The following DUOX2 variants were observed in gnomAD, a reference collection of about 807,000 sequenced individuals.
The protein encoded by DUOX2 is dual oxidase 2.
Under a neutral mutation model 183.3 loss-of-function variants are expected in DUOX2, and 185 were observed. That is an observed-to-expected ratio of 1.01 (90% CI 0.90 to 1.14). DUOX2 has a LOEUF of 1.14. DUOX2 is among the 50% of genes most tolerant of loss of function. The pLI, the probability that DUOX2 is intolerant of heterozygous loss-of-function variation, is 0.00. For synonymous variants in DUOX2, 788 were observed against 812.4 expected, an observed-to-expected ratio of 0.97 and a Z score of 0.51; for missense variants, 1,999 against 2,022.9, an observed-to-expected ratio of 0.99 and a Z score of 0.23.
chr15:45,107,201 G>C, intron 14 of DUOX2, 144 bp downstream of exon 14: 1 of 1,245,598 alleles, frequency 8.0e-7, no homozygotes, highest in Admixed American at 1.7e-5. Flanking sequence ...GGTCCCTGCT[G>C]TGGGAGCCAG....
In DUOX2 at chr15:45,110,533, A is replaced by T; in HGVS notation, c.944-9T>A. On this transcript the variant is annotated splice_polypyrimidine_tract_variant and intron_variant, in intron 8 of 33. Coordinates refer to ENST00000389039, the MANE Select transcript of DUOX2 (RefSeq NM_001363711.2). ...TAGGAAAGGACGGTATCCTGCAGGA[A>T]GGAGACGGTGATGATGGGGAGACAG... 1 of 1,614,170 alleles carries T rather than the reference A, an allele frequency of 6.2e-7. No individual in the cohort carries two copies. Among genetic ancestry groups the T allele is most frequent in the Non-Finnish European group, 8.5e-7 (1 of 1,180,010 alleles).
rs144543420 is a variant in DUOX2, at chr15:45,094,612, C to T, written c.4475G>A (p.Arg1492His). The change falls in exon 33 of 34, where the codon CGT (arginine) becomes CAT (histidine). Residue 1492 changes from arginine (R) to histidine (H), a missense_variant. By Grantham distance (29) the Arg-to-His change is conservative. Coordinates refer to ENST00000389039, the MANE Select transcript of DUOX2 (RefSeq NM_001363711.2). ...GTTGAAGAAGGGCTCGAAGGGGGGA[C>T]GGCCAAAGTGGGTGATGGAGCGCAG... is the stretch of plus-strand genomic sequence containing the variant. ...TGLRSITHFG[R>H]PPFEPFFNSL... The T allele has an allele frequency of 1.9e-4, 303 of 1,613,998 alleles. No homozygotes were observed. Among genetic ancestry groups the T allele is most frequent in the East Asian group, 3.8e-4 (17 of 44,862 alleles).
chr15:45,106,256 G>T lies in DUOX2; in HGVS notation c.2017C>A (p.Gln673Lys). Residue 673 changes from glutamine to lysine, a missense_variant, in exon 17 of 34, where the codon CAG (glutamine) becomes AAG (lysine). By Grantham distance (53) the Gln-to-Lys change is moderately conservative (BLOSUM62 1). Coordinates refer to ENST00000389039, the MANE Select transcript of DUOX2 (RefSeq NM_001363711.2). ...ACAGTGAGATGCCTGTTCAGGACCT[G>T]CAGACACCTGTCTGACAGCAGCTGG... ...IIQLLSDRCL[Q>K]VLNRHLTVLR... 1 of 1,614,126 alleles carries T rather than the reference G, an allele frequency of 6.2e-7. No individual in the cohort carries two copies. Among genetic ancestry groups the T allele is most frequent in the Non-Finnish European group, 8.5e-7 (1 of 1,180,018 alleles).
Position 45,111,787 on chromosome 15 carries a change from G to C in DUOX2, c.494C>G (p.Pro165Arg). Reference protein sequence around the residue: ...SRWDPETGRSPSNPRDLANQV... With the variant: ...SRWDPETGRSRSNPRDLANQV... ...CCTCACCAGGTCCCGGGGGTTGCTG[G>C]GACTCCGTCCGGTCTCGGGGTCCCA... Residue 165 changes from proline to arginine, a missense_variant, in exon 5 of 34, where the codon CCC (proline) becomes CGC (arginine). Transcript: ENST00000389039. 3 of 1,608,790 alleles carry C rather than the reference G, an allele frequency of 1.9e-6. No individual in the cohort carries two copies. The South Asian group carries it at 3.3e-5, about 18-fold the overall frequency.
chr15:45,099,367 C>T lies in DUOX2; in HGVS notation c.3515+16G>A. On this transcript the variant is annotated intron_variant, in intron 26 of 33. Coordinates refer to ENST00000389039, the MANE Select transcript of DUOX2 (RefSeq NM_001363711.2). The stretch of plus-strand genomic sequence containing the variant: ...CCACCCTATGAGTCCCAGGAGAAAC[C>T]ATCCCCAGAACTGACCCATCATTCA... 6.2e-7 allele frequency: 1 copy of T among 1,611,278 alleles called. No homozygotes were observed. Among genetic ancestry groups the T allele is most frequent in the Non-Finnish European group, 8.5e-7 (1 of 1,177,552 alleles).
intron 2 of DUOX2, 49 bp from the exon 3 acceptor site, chr15:45,113,125 C>T (rs77078382): frequency 1.3e-6 from 2 of 1,584,266 alleles, no homozygotes; most frequent in Middle Eastern, 1.7e-4. Flanking sequence ...CCAGCTACCC[C>T]TCCCGAGCAA....
Position 45,096,019 on chromosome 15 carries a change from A to G in DUOX2, c.3889T>C (p.Tyr1297His). Residue 1297 changes from tyrosine to histidine, a missense_variant, in exon 30 of 34, where the codon TAC (tyrosine) becomes CAC (histidine). Physicochemically the swap from Tyr to His is moderately conservative, Grantham distance 83. Transcript: ENST00000389039. ...LQFQRPQGFEYKSGQWVRIAC... is the reference protein window; with the variant it reads ...LQFQRPQGFEHKSGQWVRIAC... ...ATCCGCACCCACTGTCCTGACTTGT[A>G]CTCAAAGCCTTGGGGCCTCTGGAAT... 6.2e-7 allele frequency: 1 copy of G among 1,614,046 alleles called. No individual in the cohort carries two copies. The highest frequency in any genetic ancestry group is 8.5e-7 in the Non-Finnish European group (1 of 1,179,996).
chr15:45,110,616 T>G (rs774182914), intron 8 of DUOX2, 34 bp downstream of exon 8: 1 of 1,613,484 alleles, frequency 6.2e-7, no homozygotes, highest in Non-Finnish European at 8.5e-7. Flanking sequence ...CTCAGGATTC[T>G]CCGCACAGGT....
intron 12 of DUOX2, 91 bp from the exon 13 acceptor site, chr15:45,108,313 G>A (rs544716840): frequency 1.9e-5 from 28 of 1,442,754 alleles, no homozygotes; most frequent in Middle Eastern, 1.8e-4. Flanking sequence ...AACCTCAGCC[G>A]CTGCCTGGCT....
chr15:45,095,523 CT>C lies in DUOX2; in HGVS notation c.4152del (p.Gly1386AlafsTer34), dbSNP rs773312598. 4.5e-5 allele frequency: 72 copies of C among 1,614,224 alleles called. No homozygotes were observed. The highest frequency in any genetic ancestry group is 5.1e-5 in the Non-Finnish European group (60 of 1,180,040). On this transcript the variant is annotated frameshift_variant, in exon 31 of 34. Coordinates refer to ENST00000389039, the MANE Select transcript of DUOX2 (RefSeq NM_001363711.2). LOFTEE classifies it high-confidence loss of function. ...WHKFEVSVLV[G>X]GGIGVTPFAS... ...GCAAAGGGGGTGACCCCAATGCCCCCTCCCACCAACACTGACACCTCAAATT... is the reference window on the plus strand; with the variant it reads ...GCAAAGGGGGTGACCCCAATGCCCCCCCCACCAACACTGACACCTCAAATT...
chr15:45,099,987 T>G (rs1894031659), intron 24 of DUOX2, 63 bp downstream of exon 24: 1 of 1,612,060 alleles, frequency 6.2e-7, no homozygotes. Flanking sequence ...CAGAGGGCTT[T>G]CCACTCCTCT....
rs143154243 is a variant in DUOX2, at chr15:45,094,684, C to T, written c.4403G>A (p.Cys1468Tyr). The T allele has an allele frequency of 2.8e-5, 45 of 1,613,938 alleles. No homozygotes were observed. The highest frequency in any genetic ancestry group is 3.6e-5 in the Non-Finnish European group (42 of 1,179,986). Residue 1468 changes from cysteine (C) to tyrosine (Y), a missense_variant, in exon 33 of 34, where the codon TGC becomes TAC. Physicochemically the swap from Cys to Tyr is radical, Grantham distance 194. This residue lies in a region of DUOX2 where 1,628 missense variants were observed against 1,608.6 expected (regional missense o/e 1.01). Transcript: ENST00000389039. The part of the protein sequence containing the change: ...FDLRTTMLYI[C>Y]ERHFQKVLNR... ...CAGCACTTTCTGGAAGTGCCGCTCG[C>T]AGATGTACTGGGGGCACAGGGGCAG...
Position 45,104,292 on chromosome 15 carries a change from G to T in DUOX2, c.2408C>A (p.Thr803Asn). 1 of 1,614,128 alleles carries T rather than the reference G, an allele frequency of 6.2e-7. No individual in the cohort carries two copies. The highest frequency in any genetic ancestry group is 8.5e-7 in the Non-Finnish European group (1 of 1,180,020). Residue 803 changes from threonine to asparagine, a missense_variant, in exon 19 of 34, where the codon ACC becomes AAC. Thr to Asn is a moderately conservative substitution (Grantham distance 65). Around this residue, in one of 3 missense-constraint regions of DUOX2, gnomAD observed 1,628 missense variants for 1,608.6 expected, o/e 1.01. Transcript: ENST00000389039. ...DSSQKVREAL[T>N]CELSRAEFAE... Reference sequence around the variant, plus strand: ...AAACTCGGCCCTGCTCAGCTCGCAGGTCAGGGCCTCCCGCACCTTCTGGGA... The same window carrying T: ...AAACTCGGCCCTGCTCAGCTCGCAGTTCAGGGCCTCCCGCACCTTCTGGGA...
Position 45,106,577 on chromosome 15 carries a change from C to G in DUOX2, c.1896G>C (p.Lys632Asn). 4 of 1,614,196 alleles carry G rather than the reference C, an allele frequency of 2.5e-6. No individual in the cohort carries two copies. Among genetic ancestry groups the G allele is most frequent in the Non-Finnish European group, 3.4e-6 (4 of 1,180,036 alleles). ...CCTTCTTCACGCTCTCTTTGAGTTT[C>G]TTTTGTAGCTTCTTGTGTTCTCGGC... ...FRGREHKKLQKKLKESVKKEA... is the reference protein window; with the variant it reads ...FRGREHKKLQNKLKESVKKEA... Residue 632 changes from lysine (K) to asparagine (N), a missense_variant, in exon 16 of 34, where the codon AAG (lysine) becomes AAC (asparagine). Coordinates refer to ENST00000389039, the MANE Select transcript of DUOX2 (RefSeq NM_001363711.2).
Position 45,094,635 on chromosome 15 carries a change from C to G in DUOX2, c.4452G>C (p.Leu1484=), listed in dbSNP as rs771432635. The G allele has an allele frequency of 1.1e-5, 17 of 1,614,124 alleles. No individual in the cohort carries two copies. The highest frequency in any genetic ancestry group is 1.4e-5 in the Non-Finnish European group (16 of 1,180,030). ...GACGGCCAAAGTGGGTGATGGAGCG[C>G]AGGCCCGTGAACAGACTCCGGTTCA... ...KVLNRSLFTG[L]RSITHFGRPP... is the part of the protein sequence containing the mutation. Residue 1484 remains leucine (L), a synonymous_variant, in exon 33 of 34, where the codon CTG becomes CTC. Coordinates refer to ENST00000389039, the MANE Select transcript of DUOX2 (RefSeq NM_001363711.2).
At position 45,112,672 on chromosome 15, in the gene DUOX2, C is replaced by T. The variant is rs778850776; in HGVS notation, c.207G>A (p.Val69=). Reference sequence around the variant, plus strand: ...GCTGCGGCTCCTCCAGAGCCTGATACACACCGTCGGCGTAATTGGCTGGTA... The same window carrying T: ...GCTGCGGCTCCTCCAGAGCCTGATATACACCGTCGGCGTAATTGGCTGGTA... The part of the protein sequence containing the change: ...RRVPANYADG[V]YQALEEPQLP... Residue 69 remains valine (V), a synonymous_variant, in exon 4 of 34, where the codon GTG becomes GTA. Transcript: ENST00000389039. The T allele has an allele frequency of 6.8e-6, 11 of 1,612,684 alleles. No homozygotes were observed. The highest frequency in any genetic ancestry group is 6.7e-5 in the African/African-American group (5 of 74,932).
chr15:45,100,312 G>T, intron 23 of DUOX2, 84 bp from the exon 24 acceptor site: 3 of 1,377,344 alleles, frequency 2.2e-6, no homozygotes, highest in African/African-American at 1.4e-5. Context: ...GTGACCTGGG[G>T]ATCTGGCAGG....
chr15:45,097,844 C>T (rs1893946804), intron 27 of DUOX2, 103 bp from the exon 28 acceptor site: 5 of 1,597,710 alleles, frequency 3.1e-6, no homozygotes, highest in Non-Finnish European at 3.4e-6. Context: ...CTCTCTCATC[C>T]CTCCGGGGCC....
chr15:45,096,010 C>G lies in DUOX2; in HGVS notation c.3898G>C (p.Gly1300Arg), dbSNP rs1260208775. 5.6e-6 allele frequency: 9 copies of G among 1,614,014 alleles called. No individual in the cohort carries two copies. Among genetic ancestry groups the G allele is most frequent in the Non-Finnish European group, 7.6e-6 (9 of 1,180,028 alleles). The change falls in exon 30 of 34, where the codon GGA becomes CGA. Residue 1300 changes from glycine to arginine, a missense_variant. Coordinates refer to ENST00000389039, the MANE Select transcript of DUOX2 (RefSeq NM_001363711.2). ...QRPQGFEYKSGQWVRIACLAL... is the reference protein window; with the variant it reads ...QRPQGFEYKSRQWVRIACLAL... The stretch of plus-strand genomic sequence containing the variant: ...AGGCAGGCGATCCGCACCCACTGTC[C>G]TGACTTGTACTCAAAGCCTTGGGGC...
Sources: allele counts gnomAD v4.1 joint callset, GRCh38; gene constraint gnomAD v4.1.1; regional missense constraint gnomAD v4.1.1; transcripts MANE v1.5; gene names NCBI Gene and HGNC (gene_info 2026-07-23, HGNC 2026-07-21).